Variants in MAP4K5 observed in about 807,000 individuals in gnomAD.
The protein encoded by MAP4K5 is mitogen-activated protein kinase kinase kinase kinase 5.
MAP4K5 carries 82 observed loss-of-function variants against 135.6 expected under a neutral mutation model. The ratio of observed to expected loss-of-function variants is 0.60; its 90% confidence interval spans 0.51 to 0.73. The LOEUF is 0.73. Ranked by LOEUF, MAP4K5 falls within the 30% of genes least tolerant of loss-of-function variation. The pLI, the probability that MAP4K5 is intolerant of heterozygous loss-of-function variation, is 0.00. For synonymous variants in MAP4K5, 347 were observed against 335.0 expected (o/e 1.04, Z -0.39); for missense variants, 907 against 1,010.9 (o/e 0.90, Z 1.39).
intron 8 of MAP4K5, among the ~76,000 whole-genome samples, chr14:50,475,761 T>C (rs959728342): frequency 6.6e-6 from 1 of 152,120 alleles, no homozygotes; most frequent in African/African-American, 2.4e-5. Flanking sequence ...ACTAAATAAA[T>C]ATACAGTCCA....
At chr14:50,495,651 G>C (rs529035004) in intron 3 of MAP4K5, among the ~76,000 whole-genome samples, 2 of 152,322 alleles carry the variant, frequency 1.3e-5, no homozygotes, top group South Asian at 4.1e-4. Context: ...CCAAGAGGTA[G>C]AGGCAACCCA....
At chr14:50,492,730 G>A (rs1177766187) in intron 3 of MAP4K5, among the ~76,000 whole-genome samples, 1 of 152,026 alleles carries the variant, frequency 6.6e-6, no homozygotes, top group Non-Finnish European at 1.5e-5. Flanking sequence ...AATATGTAAA[G>A]AAAACTATCA....
Position 50,443,745 on chromosome 14 carries a change from G to A in MAP4K5, c.1463C>T (p.Pro488Leu), listed in dbSNP as rs2036279490. ...ATTCCTTACCAGAACTTTTGGGGTGGGTGGAAGGCCATTGATGGCTGGTTT... is the reference window on the plus strand; with the variant it reads ...ATTCCTTACCAGAACTTTTGGGGTGAGTGGAAGGCCATTGATGGCTGGTTT... Reference protein sequence around the residue: ...FPKPAINGLPPTPKVLMGACF... With the variant: ...FPKPAINGLPLTPKVLMGACF... Residue 488 changes from proline (P) to leucine (L), a missense_variant, in exon 20 of 33, where the codon CCC (proline) becomes CTC (leucine). Around this residue, in one of 3 missense-constraint regions of MAP4K5, gnomAD observed 690 missense variants for 777.4 expected, o/e 0.89. Transcript: ENST00000682126. 1 of 1,598,406 alleles carries A rather than the reference G, an allele frequency of 6.3e-7. No homozygotes were observed. The highest frequency in any genetic ancestry group is 8.5e-7 in the Non-Finnish European group (1 of 1,175,760).
At chr14:50,428,445 G>A (rs992699964) in intron 30 of MAP4K5, among the ~76,000 whole-genome samples, 2 of 5,714 alleles carry the variant, frequency 3.5e-4, no homozygotes, top group African/African-American at 3.8e-4. Flanking sequence ...TAGTAGAGAC[G>A]GGGTTTCTCT....
chr14:50,455,334 AAAAG>A (rs1162628481), intron 14 of MAP4K5, among the ~76,000 whole-genome samples: 2 of 152,050 alleles, frequency 1.3e-5, no homozygotes, highest in Admixed American at 6.6e-5. Context: ...ACTATACGAG[AAAAG>A]ATAGATAAAA....
intron 2 of MAP4K5, among the ~76,000 whole-genome samples, chr14:50,523,203 A>C (rs984490245): frequency 6.6e-6 from 1 of 151,974 alleles, no homozygotes; most frequent in East Asian, 1.9e-4. Context: ...CCCAGCTACT[A>C]GGGAGGCTGA....
At chr14:50,481,871 A>G (rs1662043206) in intron 6 of MAP4K5, among the ~76,000 whole-genome samples, 1 of 152,256 alleles carries the variant, frequency 6.6e-6, no homozygotes, top group African/African-American at 2.4e-5. Context: ...GGGTTTTCAG[A>G]TAACACCTTG....
chr14:50,424,427 T>C lies in MAP4K5; in HGVS notation c.2398-1251A>G, dbSNP rs949344091. ...AAAGGTAATCAAGACGAATTAAAAA[T>C]AGGCCGGGTGTGGGGCTCACATCTG... On this transcript the variant is annotated intron_variant, in intron 31 of 32. Transcript: ENST00000682126. Among the ~76,000 whole-genome samples the C allele has an allele frequency of 3.3e-5, 5 of 151,996 alleles. No individual in the cohort carries two copies. The East Asian group carries it at 5.8e-4, about 18-fold the overall frequency.
At chr14:50,524,422 T>C (rs114541873) in intron 2 of MAP4K5, among the ~76,000 whole-genome samples, 19 of 152,252 alleles carry the variant, frequency 1.2e-4, no homozygotes, top group African/African-American at 4.6e-4. Flanking sequence ...TACTATATAC[T>C]AGGCAATATA....
chr14:50,445,231 A>G (rs777784938), intron 17 of MAP4K5, 37 bp from the exon 18 acceptor site: 1 of 1,589,260 alleles, frequency 6.3e-7, no homozygotes, highest in Non-Finnish European at 8.6e-7. Flanking sequence ...TTTAACAGTT[A>G]TCATTAGGCA....
At chr14:50,476,101 A>C in intron 8 of MAP4K5, 27 bp downstream of exon 8, 1 of 1,367,064 alleles carries the variant, frequency 7.3e-7, no homozygotes, top group Non-Finnish European at 9.7e-7. Flanking sequence ...TTTTTGGAAA[A>C]AATTTTAGGA....
intron 21 of MAP4K5, 136 bp downstream of exon 21, chr14:50,442,596 G>C (rs923967483): frequency 1.6e-6 from 1 of 622,938 alleles, no homozygotes; most frequent in Non-Finnish European, 2.8e-6. Flanking sequence ...GACCTATTTA[G>C]GTTGTTGCAG....
intron 2 of MAP4K5, among the ~76,000 whole-genome samples, chr14:50,511,456 G>A (rs542040180): frequency 5.3e-5 from 8 of 152,084 alleles, no homozygotes; most frequent in African/African-American, 1.2e-4. Context: ...TATACAAAAC[G>A]ATAGCTAGAT....
At chr14:50,530,990 T>C (rs2038373671) in intron 2 of MAP4K5, among the ~76,000 whole-genome samples, 1 of 152,236 alleles carries the variant, frequency 6.6e-6, no homozygotes, top group East Asian at 1.9e-4. Flanking sequence ...TATGCAGAAG[T>C]GTTGTTTGGC....
intron 1 of MAP4K5, among the ~76,000 whole-genome samples, chr14:50,549,414 T>A (rs2038674584): frequency 6.6e-6 from 1 of 152,156 alleles, no homozygotes; most frequent in Non-Finnish European, 1.5e-5. Context: ...AAGGGTTCCC[T>A]CTGCACCAAG....
At chr14:50,438,248 A>C in intron 23 of MAP4K5, 154 bp from the exon 24 acceptor site, 1 of 448,448 alleles carries the variant, frequency 2.2e-6, no homozygotes, top group Non-Finnish European at 4.0e-6. Flanking sequence ...TTAGGTACTA[A>C]TAGGTGATCT....
intron 21 of MAP4K5, among the ~76,000 whole-genome samples, chr14:50,441,513 C>T (rs149326301): frequency 3.9e-5 from 6 of 152,002 alleles, no homozygotes; most frequent in African/African-American, 1.4e-4. Flanking sequence ...TAAGTGGCCT[C>T]AAAAAAGTTG....
At chr14:50,560,222 G>A (rs1356870381) in intron 1 of MAP4K5, 1 of 1,611,576 alleles carries the variant, frequency 6.2e-7, no homozygotes, top group Non-Finnish European at 8.5e-7. Context: ...AGAAGGCAGC[G>A]AGCGCAGTGA....
chr14:50,440,365 T>C lies in MAP4K5; in HGVS notation c.1641A>G (p.Glu547=). The change falls in exon 22 of 33, where the codon GAA becomes GAG. Residue 547 remains glutamate, a synonymous_variant. Coordinates refer to ENST00000682126, the MANE Select transcript of MAP4K5 (RefSeq NM_006575.6). The part of the protein sequence containing the change: ...NLNELHEATM[E]QLFPRKCTWL... ...TTGAATTAAAATGCCTAATTACCTG[T>C]TCCATCGTTGCCTCATGTAGCTCAT... The C allele has an allele frequency of 6.3e-7, 1 of 1,584,836 alleles. No individual in the cohort carries two copies. Among genetic ancestry groups the C allele is most frequent in the East Asian group, 2.3e-5 (1 of 44,412 alleles).
Sources: allele counts gnomAD v4.1 joint callset (sites outside exome capture counted in the v4.1 genomes callset), GRCh38; gene constraint gnomAD v4.1.1; regional missense constraint gnomAD v4.1.1; transcripts MANE v1.5; gene names NCBI Gene and HGNC (gene_info 2026-07-23, HGNC 2026-07-21).